Variants in KCNK10 observed in about 807,000 individuals in gnomAD.
KCNK10 encodes potassium two pore domain channel subfamily K member 10, also known as potassium channel subfamily K member 10.
A neutral mutation model predicts 47.7 loss-of-function variants in KCNK10; 25 were observed. The observed-to-expected ratio is 0.52, with a 90% CI of 0.38 to 0.73. The LOEUF is 0.73. KCNK10 is among the 30% of genes least tolerant of loss of function. KCNK10 has a pLI of 0.00. For missense variants in KCNK10, 563 were observed against 714.5 expected, an observed-to-expected ratio of 0.79 and a Z score of 2.42; for synonymous variants, 303 against 285.6, an observed-to-expected ratio of 1.06 and a Z score of -0.61.
chr14:88,187,625 A>AAC (rs1884608872), intron 6 of KCNK10, among the ~76,000 whole-genome samples: 1 of 74,120 alleles, frequency 1.3e-5, no homozygotes, highest in African/African-American at 3.2e-5. Context: ...GACAGGCTGC[A>AAC]CCCCCCCACA....
Position 88,263,245 on chromosome 14 carries a change from T to C in KCNK10, c.359A>G (p.Asp120Gly). The change falls in exon 2 of 7, where the codon GAT (aspartate) becomes GGT (glycine). Residue 120 changes from aspartate (D) to glycine (G), a missense_variant. Coordinates refer to ENST00000319231, the MANE Select transcript of KCNK10 (RefSeq NM_138317.3). ...CTCCTGGGGGCTCACACAGACATGA[T>C]CCCGCAGGAATTCCGCCTTCTCCAA... is the stretch of plus-strand genomic sequence containing the variant. ...IALEKAEFLRDHVCVSPQELE... is the reference protein window; with the variant it reads ...IALEKAEFLRGHVCVSPQELE... 1.9e-6 allele frequency: 3 copies of C among 1,614,160 alleles called. No homozygotes were observed. Among genetic ancestry groups the C allele is most frequent in the South Asian group, 2.2e-5 (2 of 91,086 alleles).
intron 1 of KCNK10, among the ~76,000 whole-genome samples, chr14:88,304,898 T>C (rs114945512): frequency 0.012 from 1,763 of 152,232 alleles, 22 homozygotes; most frequent in African/African-American, 0.04. Flanking sequence ...ATGTATTTAG[T>C]TGATGAAAAT....
At chr14:88,203,663 C>T (rs549797490) in intron 4 of KCNK10, among the ~76,000 whole-genome samples, 8 of 152,208 alleles carry the variant, frequency 5.3e-5, no homozygotes, top group African/African-American at 1.2e-4. Flanking sequence ...CTAGTGTTAC[C>T]GGGGAGAGTG....
intron 1 of KCNK10, among the ~76,000 whole-genome samples, chr14:88,321,757 C>T (rs1888551804): frequency 6.6e-6 from 1 of 152,196 alleles, no homozygotes; most frequent in South Asian, 2.1e-4. Context: ...GAAATGCGCT[C>T]ATAAAGAACA....
intron 1 of KCNK10, among the ~76,000 whole-genome samples, chr14:88,304,360 G>A (rs2139793128): frequency 6.6e-6 from 1 of 152,224 alleles, no homozygotes; most frequent in East Asian, 1.9e-4. Context: ...TTGAAGTAGA[G>A]TCTTATTGTA....
At chr14:88,203,974 T>C (rs779031453) in intron 4 of KCNK10, among the ~76,000 whole-genome samples, 5 of 152,184 alleles carry the variant, frequency 3.3e-5, no homozygotes, top group African/African-American at 1.2e-4. Flanking sequence ...CAAATGTAGA[T>C]GCAGAGAAAA....
intron 1 of KCNK10, among the ~76,000 whole-genome samples, chr14:88,295,690 T>C (rs765605167): frequency 4.6e-5 from 7 of 150,760 alleles, no homozygotes; most frequent in Non-Finnish European, 1.0e-4. Context: ...CTAATTTATT[T>C]ATTTATTTAT....
chr14:88,305,028 C>T (rs113603828), intron 1 of KCNK10, among the ~76,000 whole-genome samples: 1,849 of 152,106 alleles, frequency 0.012, 49 homozygotes, highest in African/African-American at 0.043. Context: ...TGAAACCCCA[C>T]CTCTACCAAA....
Position 88,322,467 on chromosome 14 carries a change from A to G in KCNK10, c.52+280T>C, listed in dbSNP as rs929701189. 6.6e-6 allele frequency among the ~76,000 whole-genome samples: 1 copy of G among 152,146 alleles called. No homozygotes were observed. The highest frequency in any genetic ancestry group is 2.4e-5 in the African/African-American group (1 of 41,434). ...CGCACACTCAAAGTCAAAAGCAAAT[A>G]CCGACACTTGCAATTTCAAACCAAA... On this transcript the variant is annotated intron_variant, in intron 1 of 6. Transcript: ENST00000319231. The surrounding 1 kb of genome is among the most constrained non-coding windows in gnomAD (Gnocchi z 4.8).
chr14:88,240,768 T>C lies in KCNK10; in HGVS notation c.455A>G (p.Asn152Ser). The C allele has an allele frequency of 6.2e-7, 1 of 1,613,988 alleles. No individual in the cohort carries two copies. The highest frequency in any genetic ancestry group is 1.1e-5 in the South Asian group (1 of 91,076). ...GCCGAGGTCCCAGTGGCTGCTGTTG[T>C]TGGAAGAGTTTCCTATTGGACTGAC... is the stretch of plus-strand genomic sequence containing the variant. The part of the protein sequence containing the change: ...AGVSPIGNSS[N>S]NSSHWDLGSA... Residue 152 changes from asparagine to serine, a missense_variant, in exon 3 of 7, where the codon AAC becomes AGC. Physicochemically the swap from Asn to Ser is conservative, Grantham distance 46. Transcript: ENST00000319231.
At chr14:88,289,728 G>C (rs1887838814) in intron 1 of KCNK10, among the ~76,000 whole-genome samples, 2 of 152,178 alleles carry the variant, frequency 1.3e-5, no homozygotes, top group African/African-American at 2.4e-5. Context: ...GTGGCCTTGA[G>C]AAAAAATACT....
intron 1 of KCNK10, among the ~76,000 whole-genome samples, chr14:88,296,631 G>A (rs1365400289): frequency 1.3e-5 from 2 of 152,276 alleles, no homozygotes; most frequent in East Asian, 3.9e-4. Flanking sequence ...GAGAGAAGAT[G>A]CATAGACATG....
At chr14:88,214,177 G>A (rs1885546231) in intron 4 of KCNK10, among the ~76,000 whole-genome samples, 1 of 152,034 alleles carries the variant, frequency 6.6e-6, no homozygotes, top group Non-Finnish European at 1.5e-5. Flanking sequence ...GACCTCAGGT[G>A]ATCCGCCCAC....
At chr14:88,318,647 G>C (rs1365093970) in intron 1 of KCNK10, among the ~76,000 whole-genome samples, 1 of 152,164 alleles carries the variant, frequency 6.6e-6, no homozygotes, top group African/African-American at 2.4e-5. Context: ...TCAGACAGAT[G>C]CAAGTGTGAT....
chr14:88,285,116 G>T (rs1003542986), intron 1 of KCNK10, among the ~76,000 whole-genome samples: 3 of 152,058 alleles, frequency 2.0e-5, no homozygotes, highest in African/African-American at 7.2e-5. Flanking sequence ...GTGTTTGTTT[G>T]TTTGTTTGTT....
intron 1 of KCNK10, among the ~76,000 whole-genome samples, chr14:88,286,311 G>A (rs1309328106): frequency 1.3e-5 from 2 of 152,034 alleles, no homozygotes; most frequent in Non-Finnish European, 2.9e-5. Context: ...CATTATCTGA[G>A]CATAATAAAA....
intron 1 of KCNK10, among the ~76,000 whole-genome samples, chr14:88,296,276 C>T (rs918745152): frequency 6.6e-6 from 1 of 152,162 alleles, no homozygotes; most frequent in African/African-American, 2.4e-5. Context: ...CTGGTTCTAC[C>T]ATTTCCTAAC....
intron 1 of KCNK10, among the ~76,000 whole-genome samples, chr14:88,286,421 G>A (rs1209330138): frequency 1.3e-5 from 2 of 152,110 alleles, no homozygotes; most frequent in Non-Finnish European, 2.9e-5. Context: ...TTGTGATAGA[G>A]GAACTGCTCA....
intron 1 of KCNK10, among the ~76,000 whole-genome samples, chr14:88,274,982 C>G (rs550150480): frequency 1.3e-5 from 2 of 152,246 alleles, no homozygotes; most frequent in East Asian, 3.9e-4. Flanking sequence ...TCCCCTCACC[C>G]CTACCCCAAA....
Sources: gnomAD v4.1 joint callset for allele counts (sites outside exome capture counted in the v4.1 genomes callset) on GRCh38, gnomAD v4.1.1 for gene constraint, Gnocchi (gnomAD v3.1) non-coding constraint, MANE v1.5 for transcripts, NCBI Gene and HGNC (gene_info 2026-07-23, HGNC 2026-07-21) for gene names.